The following PSPH variants were observed in gnomAD, a reference collection of about 807,000 sequenced individuals.
PSPH encodes the protein phosphoserine phosphatase, also known as L-3-phosphoserine phosphatase.
In PSPH, 16 loss-of-function variants were observed where a neutral mutation model predicts 23.4. The ratio of observed to expected loss-of-function variants is 0.68; its 90% CI spans 0.46 to 1.04. The LOEUF is 1.04. Among genes scored for constraint, PSPH ranks in the 50% least tolerant of loss-of-function variants. The probability of loss-of-function intolerance (pLI) is 0.00; values close to 1 mark genes in which losing one functional copy is unlikely to be tolerated. For missense variants in PSPH, 223 were observed against 273.7 expected (o/e 0.81, Z 1.31); for synonymous variants, 68 against 99.7 (o/e 0.68, Z 1.89).
At chr7:56,050,137 C>G (rs1793816383) in intron 1 of PSPH, among the ~76,000 whole-genome samples, 1 of 152,118 alleles carries the variant, frequency 6.6e-6, no homozygotes, top group South Asian at 2.1e-4. Context: ...TGCTACTAGT[C>G]ACATATATAG....
intron 1 of PSPH, among the ~76,000 whole-genome samples, chr7:56,037,995 G>C (rs1791959355): frequency 6.6e-6 from 1 of 151,630 alleles, no homozygotes; most frequent in South Asian, 2.1e-4. Flanking sequence ...TTACAAGAGT[G>C]AGCCACCGTG....
chr7:56,023,140 C>A (rs1789698876), intron 3 of PSPH, among the ~76,000 whole-genome samples: 1 of 152,016 alleles, frequency 6.6e-6, no homozygotes, highest in Non-Finnish European at 1.5e-5. Flanking sequence ...ACAGAGCCTG[C>A]AGGACCACCA....
chr7:56,049,484 G>T (rs1011169033), intron 1 of PSPH, among the ~76,000 whole-genome samples: 1 of 152,112 alleles, frequency 6.6e-6, no homozygotes, highest in East Asian at 1.9e-4. Flanking sequence ...TGTTGCCCAG[G>T]CTGGAGTGCA....
intron 3 of PSPH, among the ~76,000 whole-genome samples, chr7:56,028,405 T>C (rs966579208): frequency 6.6e-6 from 1 of 152,010 alleles, no homozygotes; most frequent in Admixed American, 6.6e-5. Flanking sequence ...ACTATTATTA[T>C]TATTTTTGTA....
intron 3 of PSPH, among the ~76,000 whole-genome samples, chr7:56,026,996 G>GA (rs1252340364): frequency 1.3e-5 from 2 of 149,942 alleles, no homozygotes; most frequent in African/African-American, 4.9e-5. Flanking sequence ...ACCTGAGGTT[G>GA]GGAGTTCGAG....
chr7:56,029,779 T>C (rs1036917398), intron 3 of PSPH, among the ~76,000 whole-genome samples: 1 of 151,952 alleles, frequency 6.6e-6, no homozygotes. Context: ...TCATGCATAG[T>C]TGCGAGAACC....
intron 1 of PSPH, among the ~76,000 whole-genome samples, chr7:56,035,612 A>C (rs566295614): frequency 1.3e-5 from 2 of 151,766 alleles, no homozygotes; most frequent in South Asian, 2.1e-4. Context: ...GACCCTCCCC[A>C]CCAAAACACA....
At chr7:56,045,072 C>CAAAAAAA (rs35552809) in intron 1 of PSPH, among the ~76,000 whole-genome samples, 3 of 117,360 alleles carry the variant, frequency 2.6e-5, no homozygotes, top group Non-Finnish European at 5.2e-5. Flanking sequence ...AACTCTGCCT[C>CAAAAAAA]AAAAAAAAAA....
chr7:56,013,347 A>G (rs755770010), intron 7 of PSPH, among the ~76,000 whole-genome samples: 4 of 151,382 alleles, frequency 2.6e-5, no homozygotes, highest in Non-Finnish European at 5.9e-5. Flanking sequence ...GTGAGACCTC[A>G]TCTCTACAAA....
intron 1 of PSPH, among the ~76,000 whole-genome samples, chr7:56,038,895 G>A (rs1454646633): frequency 6.6e-6 from 1 of 152,006 alleles, no homozygotes; most frequent in African/African-American, 2.4e-5. Flanking sequence ...TGTAATCACA[G>A]CACTTTGAGA....
At chr7:56,037,320 G>A (rs1366723141) in intron 1 of PSPH, among the ~76,000 whole-genome samples, 1 of 152,030 alleles carries the variant, frequency 6.6e-6, no homozygotes, top group African/African-American at 2.4e-5. Context: ...TAATGAAGGT[G>A]TAATAAAAAT....
intron 1 of PSPH, among the ~76,000 whole-genome samples, chr7:56,041,976 A>G (rs986954507): frequency 3.7e-4 from 56 of 151,804 alleles, no homozygotes; most frequent in Non-Finnish European, 4.7e-4. Flanking sequence ...TAATCCCAGC[A>G]CTTTGGGTGG....
At chr7:56,026,989 T>C (rs971442441) in intron 3 of PSPH, among the ~76,000 whole-genome samples, 6 of 151,166 alleles carry the variant, frequency 4.0e-5, no homozygotes, top group African/African-American at 1.5e-4. Flanking sequence ...GTGGATCACC[T>C]GAGGTTGGGA....
rs114758527 is a variant in PSPH at position 56,032,315 on chromosome 7, A to C, written c.-145-261T>G. 9.4e-3 allele frequency among the ~76,000 whole-genome samples: 1,432 copies of C among 152,236 alleles called. 19 individuals carry two copies. Among genetic ancestry groups the C allele is most frequent in the African/African-American group, 0.033 (1,357 of 41,546 alleles). On this transcript the variant is annotated intron_variant, in intron 2 of 7. Transcript: ENST00000275605. ...TGTACACCTGATTAGCAGGGTACAAAGACAAGGGAGAGGGAAAGAGAATCT... is the reference window on the plus strand; with the variant it reads ...TGTACACCTGATTAGCAGGGTACAACGACAAGGGAGAGGGAAAGAGAATCT...
At position 56,043,010 on chromosome 7, in the gene PSPH, G is replaced by GT. The variant is rs200191126; in HGVS notation, c.-292+8127dup. The GT allele has an allele frequency of 3.1e-4, 47 of 152,298 alleles. 2 individuals are homozygous for GT. Among genetic ancestry groups the GT allele is most frequent in the African/African-American group, 1.1e-3 (45 of 41,582 alleles). 9.4% of individuals were successfully genotyped at this position (152,298 alleles called of 1,614,324 possible). On this transcript the variant is annotated intron_variant, in intron 1 of 7. Coordinates refer to ENST00000275605, the MANE Select transcript of PSPH (RefSeq NM_004577.4). ...TGGCGGGGTGCAGTGGCTCACGCTT[G>GT]TAATCCCAGCACTTTGGGAGGCCAA...
At chr7:56,047,665 C>A (rs1406060096) in intron 1 of PSPH, among the ~76,000 whole-genome samples, 3 of 151,412 alleles carry the variant, frequency 2.0e-5, no homozygotes, top group African/African-American at 4.8e-5. Flanking sequence ...AAATGAATAA[C>A]CTGCTTTTTT....
rs775072177 is a variant in PSPH, at chr7:56,021,251, T to C, written c.-19-20A>G. 6.2e-7 allele frequency: 1 copy of C among 1,604,976 alleles called. No individual in the cohort carries two copies. Among genetic ancestry groups the C allele is most frequent in the South Asian group, 1.1e-5 (1 of 90,564 alleles). On this transcript the variant is annotated intron_variant, in intron 3 of 7. Coordinates refer to ENST00000275605, the MANE Select transcript of PSPH (RefSeq NM_004577.4). ...TTCCTCCTACAAGAAAAAAGATAAA[T>C]GTATTTAAAGACATCAAATAAAATT...
intron 3 of PSPH, among the ~76,000 whole-genome samples, chr7:56,027,711 C>G (rs1419970309): frequency 6.8e-6 from 1 of 147,962 alleles, no homozygotes; most frequent in African/African-American, 2.5e-5. Flanking sequence ...AAAAGGCCAA[C>G]CAGGTACTTG....
chr7:56,030,219 C>T (rs898701818), intron 3 of PSPH, among the ~76,000 whole-genome samples: 3 of 152,156 alleles, frequency 2.0e-5, no homozygotes, highest in African/African-American at 7.2e-5. Flanking sequence ...AAGTGATTCT[C>T]ATGCCTCAGC....
Sources: allele counts gnomAD v4.1 joint callset (sites outside exome capture counted in the v4.1 genomes callset), GRCh38; gene constraint gnomAD v4.1.1; transcripts MANE v1.5; gene names NCBI Gene and HGNC (gene_info 2026-07-23, HGNC 2026-07-21).